The following BDP1 variants were observed in gnomAD, a reference collection of about 807,000 sequenced individuals.
BDP1 encodes transcription factor TFIIIB component B'' homolog.
In BDP1, 169 loss-of-function variants were observed where a neutral mutation model predicts 266.6. The observed-to-expected ratio is 0.63, with a 90% confidence interval of 0.56 to 0.72. The LOEUF is 0.72. BDP1 is among the 30% of genes least tolerant of loss of function. The pLI, the probability that BDP1 is intolerant of heterozygous loss-of-function variation, is 0.00. For synonymous variants in BDP1, 1,090 were observed against 1,022.4 expected, an observed-to-expected ratio of 1.07 and a Z score of -1.26; for missense variants, 3,015 against 3,053.8, an observed-to-expected ratio of 0.99 and a Z score of 0.30.
chr5:71,546,486 C>T (rs1482668852), intron 32 of BDP1, among the ~76,000 whole-genome samples: 1 of 151,744 alleles, frequency 6.6e-6, no homozygotes, highest in East Asian at 1.9e-4. Flanking sequence ...GTCGTGGTGG[C>T]ATGCACCTGT....
chr5:71,461,108 T>C (rs1315877278), intron 2 of BDP1, among the ~76,000 whole-genome samples: 3 of 152,132 alleles, frequency 2.0e-5, no homozygotes, highest in African/African-American at 7.2e-5. Context: ...GCCTCCCAAG[T>C]AGCTGTGGCT....
At chr5:71,470,143 G>A (rs985568109) in intron 6 of BDP1, among the ~76,000 whole-genome samples, 1 of 151,680 alleles carries the variant, frequency 6.6e-6, no homozygotes, top group African/African-American at 2.4e-5. Context: ...GACCGGCCCT[G>A]GTCTCTAACT....
Position 71,489,482 on chromosome 5 carries a change from C to A in BDP1, c.1292C>A (p.Ser431Tyr), listed in dbSNP as rs778911190. 5 of 1,613,974 alleles carry A rather than the reference C, an allele frequency of 3.1e-6. No homozygotes were observed. In the South Asian group the frequency reaches 4.4e-5, roughly 14 times the overall value. The change falls in exon 10 of 39, where the codon TCT (serine) becomes TAT (tyrosine). Residue 431 changes from serine (S) to tyrosine (Y), a missense_variant. Ser to Tyr is a moderately radical substitution (Grantham distance 144, BLOSUM62 -2). This residue lies in a region of BDP1 where 2,383 missense variants were observed against 2,404.9 expected (regional missense o/e 0.99). Coordinates refer to ENST00000358731, the MANE Select transcript of BDP1 (RefSeq NM_018429.3). ...TCTAGAATTTCAGACACGGAAAGATCTCAGAAGGATGCTCAGACAGTTGAA... is the reference window on the plus strand; with the variant it reads ...TCTAGAATTTCAGACACGGAAAGATATCAGAAGGATGCTCAGACAGTTGAA... The part of the protein sequence containing the change: ...MSSRISDTER[S>Y]QKDAQTVEEE...
chr5:71,499,802 C>T lies in BDP1; in HGVS notation c.1957-1760C>T, dbSNP rs1764121723. On this transcript the variant is annotated intron_variant, in intron 13 of 38. Transcript: ENST00000358731. ...TTTGTTTGTTTTTTTAACTCTTGTA[C>T]ATTAGAAGCAAACAATTTTGTAAGT... Among the ~76,000 whole-genome samples, 3 of 152,018 alleles carry T rather than the reference C, an allele frequency of 2.0e-5. No individual in the cohort carries two copies. In the South Asian group the frequency reaches 6.2e-4, roughly 31 times the overall value.
chr5:71,562,639 C>G, intron 38 of BDP1, 119 bp downstream of exon 38: 1 of 1,483,442 alleles, frequency 6.7e-7, no homozygotes. Flanking sequence ...TTTAGAGCAA[C>G]TCCCATCCTT....
intron 25 of BDP1, among the ~76,000 whole-genome samples, chr5:71,527,072 C>T (rs1313570729): frequency 6.6e-6 from 1 of 152,028 alleles, no homozygotes; most frequent in African/African-American, 2.4e-5. Flanking sequence ...TACCATCCAT[C>T]CACAGAACTC....
At chr5:71,522,190 TAG>T in intron 22 of BDP1, 97 bp from the exon 23 acceptor site, 1 of 892,540 alleles carries the variant, frequency 1.1e-6, no homozygotes, top group South Asian at 1.6e-5. Flanking sequence ...CCTTTGAACA[TAG>T]AATTGATTTG....
chr5:71,486,655 G>A (rs1763281563), intron 9 of BDP1, 28 bp downstream of exon 9: 1 of 1,483,984 alleles, frequency 6.7e-7, no homozygotes, highest in East Asian at 2.6e-5. Flanking sequence ...AAGTGTGATA[G>A]TTTACTTAGT....
At chr5:71,550,527 C>G (rs1160614874) in intron 34 of BDP1, among the ~76,000 whole-genome samples, 1 of 152,014 alleles carries the variant, frequency 6.6e-6, no homozygotes, top group Non-Finnish European at 1.5e-5. Flanking sequence ...GTCTTGAACT[C>G]CTGGCCTCAT....
intron 36 of BDP1, 46 bp downstream of exon 36, chr5:71,556,971 C>G (rs749658141): frequency 1.8e-6 from 2 of 1,084,302 alleles, no homozygotes; most frequent in Non-Finnish European, 2.6e-6. Context: ...CTAAATACTC[C>G]TGATTATTTG....
chr5:71,556,273 T>C (rs1041748738), intron 35 of BDP1, among the ~76,000 whole-genome samples: 2 of 152,122 alleles, frequency 1.3e-5, no homozygotes, highest in African/African-American at 4.8e-5. Flanking sequence ...GTAGTTCTAA[T>C]TTTTTTGTAA....
intron 21 of BDP1, among the ~76,000 whole-genome samples, 182 bp downstream of exon 21, chr5:71,516,453 CT>C (rs1765228225): frequency 6.6e-6 from 1 of 151,580 alleles, no homozygotes; most frequent in Non-Finnish European, 1.5e-5. Context: ...AGATTTATTT[CT>C]TTTCTAATTA....
intron 11 of BDP1, among the ~76,000 whole-genome samples, chr5:71,491,746 C>T (rs935626419): frequency 1.3e-5 from 2 of 152,112 alleles, no homozygotes; most frequent in African/African-American, 2.4e-5. Context: ...GAGATGGGGT[C>T]GGTCTCTGTC....
At chr5:71,549,392 T>G in intron 33 of BDP1, 28 bp from the exon 34 acceptor site, 1 of 1,562,846 alleles carries the variant, frequency 6.4e-7, no homozygotes, top group African/African-American at 1.4e-5. Flanking sequence ...GTTGAGCTTT[T>G]TTATTACTAA....
chr5:71,509,902 T>C lies in BDP1; in HGVS notation c.2810T>C (p.Ile937Thr), dbSNP rs1219149593. The change falls in exon 17 of 39, where the codon ATA (isoleucine) becomes ACA (threonine). Residue 937 changes from isoleucine to threonine, a missense_variant. Ile to Thr is a moderately conservative substitution (Grantham distance 89). Around this residue, in one of 3 missense-constraint regions of BDP1, gnomAD observed 2,383 missense variants for 2,404.9 expected, o/e 0.99. Coordinates refer to ENST00000358731, the MANE Select transcript of BDP1 (RefSeq NM_018429.3). Reference sequence around the variant, plus strand: ...TTGGAAGAAGCTGGAAGAAGAGAAATATCCCCACAGAAAAATGGCCCAGAG... The same window carrying C: ...TTGGAAGAAGCTGGAAGAAGAGAAACATCCCCACAGAAAAATGGCCCAGAG... ...KDLEEAGRREISPQKNGPEEV... is the reference protein window; with the variant it reads ...KDLEEAGRRETSPQKNGPEEV... The C allele has an allele frequency of 4.3e-6, 7 of 1,613,412 alleles. No homozygotes were observed. The African/African-American group carries it at 9.4e-5, about 22-fold the overall frequency.
intron 13 of BDP1, among the ~76,000 whole-genome samples, chr5:71,498,108 G>A (rs1431921486): frequency 6.6e-5 from 10 of 152,138 alleles, no homozygotes; most frequent in Non-Finnish European, 1.2e-4. Flanking sequence ...CCACCACCAT[G>A]CCCGGCTAAT....
the BDP1 span, among the ~76,000 whole-genome samples, chr5:71,577,945 G>A: frequency 2.0e-5 from 3 of 152,132 alleles, no homozygotes; most frequent in African/African-American, 7.2e-5. Flanking sequence ...AAGGCCAAAG[G>A]GATGGTGACC....
chr5:71,459,252 C>T (rs920883950), intron 2 of BDP1, among the ~76,000 whole-genome samples: 9 of 152,298 alleles, frequency 5.9e-5, no homozygotes, highest in African/African-American at 2.2e-4. Context: ...TGGCTCATGC[C>T]TGTAATCCCA....
intron 21 of BDP1, among the ~76,000 whole-genome samples, chr5:71,516,599 C>G (rs1765235209): frequency 1.3e-5 from 2 of 152,144 alleles, no homozygotes; most frequent in Admixed American, 6.5e-5. Flanking sequence ...TATGTGCACA[C>G]TTATGCAAAT....
Sources: allele counts gnomAD v4.1 joint callset (sites outside exome capture counted in the v4.1 genomes callset), GRCh38; gene constraint gnomAD v4.1.1; regional missense constraint gnomAD v4.1.1; transcripts MANE v1.5; gene names NCBI Gene and HGNC (gene_info 2026-07-23, HGNC 2026-07-21).